The following GALNT2 variants were observed in gnomAD, a reference collection of about 807,000 sequenced individuals.
GALNT2 encodes the protein UDP-GalNAc:polypeptide N-acetylgalactosaminyltransferase 2.
A neutral mutation model predicts 81.4 loss-of-function variants in GALNT2; 31 were observed. That is an observed-to-expected ratio of 0.38 (90% CI 0.29 to 0.51). The LOEUF (loss-of-function observed/expected upper bound fraction) is 0.51. Ranked by LOEUF, GALNT2 falls within the 20% of genes least tolerant of loss-of-function variation. GALNT2 has a pLI of 0.87. For synonymous variants in GALNT2, 303 were observed against 287.4 expected, an observed-to-expected ratio of 1.05 and a Z score of -0.55; for missense variants, 629 against 765.7, an observed-to-expected ratio of 0.82 and a Z score of 2.11.
At chr1:230,099,148 G>A (rs1286325478) in intron 1 of GALNT2, among the ~76,000 whole-genome samples, 1 of 152,220 alleles carries the variant, frequency 6.6e-6, no homozygotes, top group Non-Finnish European at 1.5e-5. Context: ...TAGCAGCTTT[G>A]CAAAGTAGGT....
At chr1:230,181,079 A>G (rs926084813) in intron 2 of GALNT2, among the ~76,000 whole-genome samples, 4 of 142,142 alleles carry the variant, frequency 2.8e-5, no homozygotes, top group Admixed American at 7.1e-5. Context: ...TTTTCTTCCA[A>G]TCTTTATACT....
intron 10 of GALNT2, among the ~76,000 whole-genome samples, chr1:230,251,346 A>G (rs916660968): frequency 6.6e-6 from 1 of 152,120 alleles, no homozygotes; most frequent in African/African-American, 2.4e-5. Flanking sequence ...GGAAAGGGGA[A>G]AATGAGGCCA....
intron 13 of GALNT2, chr1:230,264,972 CAAAAAA>C (rs67239229): frequency 3.2e-4 from 54 of 170,798 alleles, no homozygotes; most frequent in Middle Eastern, 2.3e-3. Context: ...CCTTCCTTTC[CAAAAAA>C]AAAAAAAAAA....
intron 1 of GALNT2, among the ~76,000 whole-genome samples, chr1:230,111,674 G>C (rs1660708593): frequency 6.6e-6 from 1 of 152,172 alleles, no homozygotes; most frequent in Non-Finnish European, 1.5e-5. Flanking sequence ...TGATTAGCTT[G>C]TTGCGTTAAA....
chr1:230,221,874 T>G (rs1338185842), intron 3 of GALNT2, among the ~76,000 whole-genome samples: 1 of 152,092 alleles, frequency 6.6e-6, no homozygotes, highest in African/African-American at 2.4e-5. Flanking sequence ...TAGTGTTATA[T>G]GTATATGCAC....
chr1:230,247,900 G>T (rs1029296569), intron 8 of GALNT2, among the ~76,000 whole-genome samples: 1 of 152,148 alleles, frequency 6.6e-6, no homozygotes, highest in African/African-American at 2.4e-5. Flanking sequence ...ACAAAGGAAA[G>T]GTTATGTCAG....
chr1:230,136,281 G>A (rs1661535949), intron 1 of GALNT2, among the ~76,000 whole-genome samples: 1 of 152,130 alleles, frequency 6.6e-6, no homozygotes, highest in African/African-American at 2.4e-5. Context: ...GGTCGCGCCT[G>A]ATCATTTGCT....
chr1:230,253,773 G>A (rs895042707), intron 10 of GALNT2, among the ~76,000 whole-genome samples: 1 of 152,102 alleles, frequency 6.6e-6, no homozygotes, highest in Admixed American at 6.6e-5. Context: ...TAGAACACAA[G>A]CAAGATCCCT....
At chr1:230,240,535 T>C (rs1299605996) in intron 6 of GALNT2, among the ~76,000 whole-genome samples, 1 of 152,240 alleles carries the variant, frequency 6.6e-6, no homozygotes, top group African/African-American at 2.4e-5. Context: ...GAGGTTGCAG[T>C]GAGCCAATAT....
chr1:230,078,666 A>G (rs933633662), intron 1 of GALNT2, among the ~76,000 whole-genome samples: 16 of 152,198 alleles, frequency 1.1e-4, no homozygotes, highest in African/African-American at 3.6e-4. Flanking sequence ...TTCTTTGGAA[A>G]TTGCTAATCC....
At chr1:230,184,264 C>G (rs1663250039) in intron 2 of GALNT2, among the ~76,000 whole-genome samples, 1 of 151,416 alleles carries the variant, frequency 6.6e-6, no homozygotes, top group Admixed American at 6.6e-5. Flanking sequence ...TCTCAGCTCA[C>G]TGCAAGCTCT....
At chr1:230,127,754 T>C (rs1044792566) in intron 1 of GALNT2, among the ~76,000 whole-genome samples, 7 of 152,172 alleles carry the variant, frequency 4.6e-5, no homozygotes, top group Non-Finnish European at 7.4e-5. Flanking sequence ...TCCTCAGTGA[T>C]ACGCTCCCGT....
chr1:230,078,097 C>G (rs1221871248), intron 1 of GALNT2, among the ~76,000 whole-genome samples: 2 of 152,212 alleles, frequency 1.3e-5, no homozygotes, highest in Non-Finnish European at 2.9e-5. Flanking sequence ...GAGGAAAGGG[C>G]ATCTTAGAAT....
chr1:230,090,800 AAGAG>A (rs1224893782), intron 1 of GALNT2, among the ~76,000 whole-genome samples: 1 of 152,216 alleles, frequency 6.6e-6, no homozygotes, highest in African/African-American at 2.4e-5. Flanking sequence ...GAGTTAAAGT[AAGAG>A]AGAGACCCTT....
At chr1:230,261,924 T>A (rs1050944782) in intron 11 of GALNT2, 3 of 151,896 alleles carry the variant, frequency 2.0e-5, no homozygotes, top group African/African-American at 4.8e-5. Context: ...GGCAGGAGAA[T>A]CGCTTGAACC....
rs1227452657 is a variant in GALNT2, at chr1:230,257,126, G to T, written c.1136+1782G>T. Among the ~76,000 whole-genome samples, 5 of 152,374 alleles carry T rather than the reference G, an allele frequency of 3.3e-5. No individual in the cohort carries two copies. The highest frequency in any genetic ancestry group is 5.9e-5 in the Non-Finnish European group (4 of 68,040). On this transcript the variant is annotated intron_variant, in intron 11 of 15. Coordinates refer to ENST00000366672, the MANE Select transcript of GALNT2 (RefSeq NM_004481.5). This position sits in a 1 kb window ranked among gnomAD's most constrained non-coding sequence, Gnocchi z 4.6. ...GAAGAGCTAGACAGGCCCGGGCCATGCACCTTTGCAGGTCATGGGAAACGT... is the reference window on the plus strand; with the variant it reads ...GAAGAGCTAGACAGGCCCGGGCCATTCACCTTTGCAGGTCATGGGAAACGT...
At position 230,172,129 on chromosome 1, in the gene GALNT2, C is replaced by A. The variant is rs141790747; in HGVS notation, c.127-6089C>A. ...GACATGGTGACATGGTTCATTATTT[C>A]TTATGAACAGACTGTGACAGGGCAA... On this transcript the variant is annotated intron_variant, in intron 1 of 15. Transcript: ENST00000366672. Among the ~76,000 whole-genome samples the A allele has an allele frequency of 4.6e-5, 7 of 152,320 alleles. No individual in the cohort carries two copies. The East Asian group carries it at 1.3e-3, about 29-fold the overall frequency.
In GALNT2 at chr1:230,067,290, C is replaced by G; in HGVS notation, c.10C>G (p.Arg4Gly). 1 of 1,357,654 alleles carries G rather than the reference C, an allele frequency of 7.4e-7. No individual in the cohort carries two copies. Among genetic ancestry groups the G allele is most frequent in the Non-Finnish European group, 9.6e-7 (1 of 1,041,448 alleles). The allele number at this position is 1,357,654 out of a possible 1,614,324, so 84.1% of individuals were successfully genotyped here. Residue 4 changes from arginine to glycine, a missense_variant, in exon 1 of 16, where the codon CGC becomes GGC. By Grantham distance (125) the Arg-to-Gly change is moderately radical. This residue lies in a region of GALNT2 where 62 missense variants were observed against 47.3 expected (regional missense o/e 1.31). Transcript: ENST00000366672. MRR[R>G]SRMLLCFAFL... Reference sequence around the variant, plus strand: ...CGGCCGAGTTGGGAGAATGCGGCGGCGCTCGCGGATGCTGCTCTGCTTCGC... The same window carrying G: ...CGGCCGAGTTGGGAGAATGCGGCGGGGCTCGCGGATGCTGCTCTGCTTCGC...
chr1:230,270,289 G>A (rs959166329), intron 14 of GALNT2, among the ~76,000 whole-genome samples: 1 of 152,218 alleles, frequency 6.6e-6, no homozygotes, highest in Non-Finnish European at 1.5e-5. Flanking sequence ...CATACAATGT[G>A]ATGTGAGATG....
Sources: allele counts gnomAD v4.1 joint callset (sites outside exome capture counted in the v4.1 genomes callset), GRCh38; gene constraint gnomAD v4.1.1; regional missense constraint gnomAD v4.1.1; non-coding constraint Gnocchi (gnomAD v3.1); transcripts MANE v1.5; gene names NCBI Gene and HGNC (gene_info 2026-07-23, HGNC 2026-07-21).